NTRK3: variants seen among roughly 807,000 people sequenced by gnomAD.
The protein encoded by NTRK3 is NT-3 growth factor receptor.
A neutral mutation model predicts 91.7 loss-of-function variants in NTRK3; 24 were observed. That is an observed-to-expected ratio of 0.26 (90% CI 0.19 to 0.37). The LOEUF (loss-of-function observed/expected upper bound fraction) is 0.37, where lower values mean the gene tolerates loss of function less well. Ranked by LOEUF, NTRK3 falls within the 10% of genes least tolerant of loss-of-function variation. NTRK3 has a pLI of 1.00. For missense variants in NTRK3, 880 were observed against 1,068.9 expected (o/e 0.82, Z 2.46); for synonymous variants, 483 against 404.0 (o/e 1.20, Z -2.34).
At chr15:87,884,979 C>T (rs985967353) in intron 17 of NTRK3, among the ~76,000 whole-genome samples, 3 of 151,758 alleles carry the variant, frequency 2.0e-5, no homozygotes, top group African/African-American at 4.8e-5. Context: ...GAAAACAAAA[C>T]GTCAAACTGC....
chr15:87,872,810 A>G lies in NTRK3; in HGVS notation c.*4125T>C, dbSNP rs967558325. On this transcript the variant is annotated 3_prime_UTR_variant, in exon 19 of 19. Coordinates refer to ENST00000394480, the Ensembl canonical transcript of NTRK3. ...TTTCACTTCATCTCTTATTTTTAAC[A>G]AGCAAGTACATATATATCAGGTGGG... The G allele has an allele frequency of 5.2e-5, 12 of 232,918 alleles. No individual in the cohort carries two copies. The East Asian group carries it at 7.3e-4, about 14-fold the overall frequency. 14.4% of individuals were successfully genotyped at this position (232,918 alleles called of 1,614,324 possible). A position where few individuals can be genotyped will look rare whatever the true frequency, so the allele number is the denominator to read the frequency against.
chr15:87,953,271 G>A (rs954760582), intron 14 of NTRK3, among the ~76,000 whole-genome samples: 3 of 152,198 alleles, frequency 2.0e-5, no homozygotes, highest in Non-Finnish European at 2.9e-5. Context: ...CTGGCTTGGG[G>A]GTCTTGGATC....
chr15:88,081,225 C>G (rs913908732), intron 13 of NTRK3, among the ~76,000 whole-genome samples: 5 of 152,076 alleles, frequency 3.3e-5, no homozygotes, highest in Non-Finnish European at 1.5e-5. Context: ...AGACAGAAAG[C>G]CTTAGGGCCT....
intron 6 of NTRK3, among the ~76,000 whole-genome samples, chr15:88,137,949 G>A (rs372261144): frequency 6.6e-6 from 1 of 152,218 alleles, no homozygotes; most frequent in East Asian, 1.9e-4. Flanking sequence ...TACTCGGGAG[G>A]CTGAGGCAGG....
chr15:88,213,822 G>A lies in NTRK3; in HGVS notation c.249-29523C>T, dbSNP rs1157192734. 2.0e-5 allele frequency among the ~76,000 whole-genome samples: 3 copies of A among 152,186 alleles called. No homozygotes were observed. In the East Asian group the frequency reaches 5.8e-4, roughly 29 times the overall value. On this transcript the variant is annotated intron_variant, in intron 3 of 18. Coordinates refer to ENST00000394480, the Ensembl canonical transcript of NTRK3. ...CGGCCAAGTGCAGTGGCTCACACCT[G>A]TAATCCCAGCACTTTGGGAGGATAA...
intron 13 of NTRK3, among the ~76,000 whole-genome samples, chr15:88,071,928 A>T: frequency 6.6e-6 from 1 of 151,930 alleles, no homozygotes; most frequent in East Asian, 1.9e-4. Flanking sequence ...CTGGCAGAGT[A>T]ACACAGTCCA....
exon 19 of NTRK3, chr15:87,864,206 C>T: frequency 4.3e-6 from 1 of 232,668 alleles, no homozygotes; most frequent in East Asian, 6.0e-5. Context: ...CCATGGCCCC[C>T]ACATAAACAA....
At chr15:88,062,906 A>G (rs1397422976) in intron 13 of NTRK3, among the ~76,000 whole-genome samples, 1 of 152,208 alleles carries the variant, frequency 6.6e-6, no homozygotes, top group Admixed American at 6.5e-5. Context: ...AAGGCCCCCC[A>G]TTCTAGAATC....
chr15:88,076,882 C>G (rs996125520), intron 13 of NTRK3, among the ~76,000 whole-genome samples: 6 of 152,026 alleles, frequency 3.9e-5, no homozygotes, highest in Non-Finnish European at 7.4e-5. Context: ...CACCTGAGGT[C>G]AGGAGTTTGA....
At chr15:88,111,812 G>A (rs987980857) in intron 13 of NTRK3, among the ~76,000 whole-genome samples, 1 of 152,122 alleles carries the variant, frequency 6.6e-6, no homozygotes, top group South Asian at 2.1e-4. Context: ...TCATAATATG[G>A]ATGGTAACAA....
chr15:87,968,177 T>A (rs1383179795), intron 14 of NTRK3, among the ~76,000 whole-genome samples: 6 of 152,234 alleles, frequency 3.9e-5, no homozygotes, highest in Admixed American at 2.0e-4. Flanking sequence ...GACAGCTACA[T>A]GGAATGTGTG....
chr15:88,227,672 T>G (rs2050794017), intron 3 of NTRK3, among the ~76,000 whole-genome samples: 1 of 152,088 alleles, frequency 6.6e-6, no homozygotes. Context: ...AGACACCCAG[T>G]CTGTGGGACT....
chr15:88,063,971 AAT>A (rs1284020118), intron 13 of NTRK3, among the ~76,000 whole-genome samples: 4 of 152,210 alleles, frequency 2.6e-5, no homozygotes, highest in Admixed American at 2.0e-4. Context: ...CTTATCTGGA[AAT>A]AGAGTCTTTG....
chr15:87,899,909 G>C (rs1022641037), intron 17 of NTRK3, among the ~76,000 whole-genome samples: 2 of 152,148 alleles, frequency 1.3e-5, no homozygotes, highest in African/African-American at 4.8e-5. Flanking sequence ...GAAACAATTA[G>C]CCTTCTCACA....
At chr15:88,121,238 A>C (rs990285665) in intron 13 of NTRK3, among the ~76,000 whole-genome samples, 3 of 152,206 alleles carry the variant, frequency 2.0e-5, no homozygotes, top group African/African-American at 4.8e-5. Context: ...TATTGTTCAG[A>C]CACACTAACA....
chr15:88,205,327 C>T (rs1010238304), intron 3 of NTRK3, among the ~76,000 whole-genome samples: 13 of 152,150 alleles, frequency 8.5e-5, no homozygotes, highest in African/African-American at 3.1e-4. Context: ...TGTCCACCGC[C>T]CAGACTGGCC....
chr15:87,879,660 T>C (rs2065135934), intron 18 of NTRK3, among the ~76,000 whole-genome samples: 1 of 152,262 alleles, frequency 6.6e-6, no homozygotes, highest in African/African-American at 2.4e-5. Flanking sequence ...TATTAATTTA[T>C]GTTTACTAGC....
rs1491392302 is a variant in NTRK3, at chr15:88,214,690, GAC to G, written c.249-30393_249-30392del. Among the ~76,000 whole-genome samples the G allele has an allele frequency of 4.6e-4, 18 of 38,870 alleles. No homozygotes were observed. The East Asian group carries it at 0.043, about 92-fold the overall frequency. The allele number at this position is 38,870 out of a possible 152,430, so 25.5% of individuals were successfully genotyped here. On this transcript the variant is annotated intron_variant, in intron 3 of 18. Coordinates refer to ENST00000394480, the Ensembl canonical transcript of NTRK3. ...AAAAAAAAAAAACAGAGAGAATAAG[GAC>G]AAAAAAAATGTGCCCCCAAATGAAC...
intron 5 of NTRK3, among the ~76,000 whole-genome samples, chr15:88,175,173 G>C (rs530848175): frequency 6.6e-6 from 1 of 152,320 alleles, no homozygotes; most frequent in African/African-American, 2.4e-5. Flanking sequence ...CACAGTAAAA[G>C]TGTATTTCTC....
Sources: gnomAD v4.1 joint callset for allele counts (sites outside exome capture counted in the v4.1 genomes callset) on GRCh38, gnomAD v4.1.1 for gene constraint, MANE v1.5 for transcripts, NCBI Gene and HGNC (gene_info 2026-07-23, HGNC 2026-07-21) for gene names.